The following AGTPBP1 variants were observed in gnomAD, a reference collection of about 807,000 sequenced individuals.
AGTPBP1 encodes ATP/GTP binding carboxypeptidase 1.
AGTPBP1 carries 70 observed loss-of-function variants against 143.9 expected under a neutral mutation model. The ratio of observed to expected loss-of-function variants is 0.49; its 90% CI spans 0.40 to 0.59. AGTPBP1 has a LOEUF of 0.59. AGTPBP1 is among the 20% of genes least tolerant of loss of function. The pLI is 0.00. For synonymous variants in AGTPBP1, 463 were observed against 500.2 expected, an observed-to-expected ratio of 0.93 and a Z score of 0.99; for missense variants, 1,229 against 1,464.5, an observed-to-expected ratio of 0.84 and a Z score of 2.62.
chr9:85,679,184 C>T (rs181291896), intron 4 of AGTPBP1, among the ~76,000 whole-genome samples: 1 of 152,228 alleles, frequency 6.6e-6, no homozygotes, highest in East Asian at 1.9e-4. Flanking sequence ...ATAATTTATA[C>T]TCCCATCAGC....
intron 2 of AGTPBP1, among the ~76,000 whole-genome samples, chr9:85,694,508 A>G (rs766736871): frequency 3.9e-5 from 6 of 152,102 alleles, no homozygotes; most frequent in Non-Finnish European, 8.8e-5. Flanking sequence ...TCTAACCCCA[A>G]CATATTCACA....
chr9:85,729,163 C>T (rs181271867), intron 1 of AGTPBP1, among the ~76,000 whole-genome samples: 1 of 152,262 alleles, frequency 6.6e-6, no homozygotes, highest in Non-Finnish European at 1.5e-5. Context: ...AAAATAGTCT[C>T]TTCAACAAAT....
At chr9:85,648,225 C>A (rs1169498993) in intron 11 of AGTPBP1, among the ~76,000 whole-genome samples, 1 of 152,134 alleles carries the variant, frequency 6.6e-6, no homozygotes, top group Non-Finnish European at 1.5e-5. Context: ...AGTTAATATA[C>A]GTAAAGTGCC....
chr9:85,740,359 G>A (rs923379622), intron 1 of AGTPBP1, among the ~76,000 whole-genome samples: 2 of 152,144 alleles, frequency 1.3e-5, no homozygotes, highest in Non-Finnish European at 1.5e-5. Context: ...TAACTTAAGA[G>A]AAGTGGAATG....
intron 2 of AGTPBP1, among the ~76,000 whole-genome samples, chr9:85,706,353 T>C (rs978205339): frequency 6.7e-6 from 1 of 149,770 alleles, no homozygotes; most frequent in African/African-American, 2.5e-5. Flanking sequence ...CTACTAAAAA[T>C]ACAAAAAACT....
chr9:85,769,537 A>G, the AGTPBP1 span, among the ~76,000 whole-genome samples: 284 of 151,808 alleles, frequency 1.9e-3, no homozygotes, highest in South Asian at 4.4e-3. Flanking sequence ...AAAAAAAAAA[A>G]AAAGAAAAAA....
At chr9:85,741,736 C>T (rs1211021622) in intron 1 of AGTPBP1, 39 bp downstream of exon 1, 5 of 1,282,444 alleles carry the variant, frequency 3.9e-6, no homozygotes, top group Non-Finnish European at 4.9e-6. Context: ...AGCAGAGGGA[C>T]GGCCGGCCGG....
chr9:85,654,416 A>G (rs1833362065), intron 11 of AGTPBP1, among the ~76,000 whole-genome samples: 1 of 152,230 alleles, frequency 6.6e-6, no homozygotes, highest in African/African-American at 2.4e-5. Flanking sequence ...TGTTAAGCAT[A>G]AAACCATAGT....
Position 85,692,764 on chromosome 9 carries a change from T to A in AGTPBP1, c.82A>T (p.Ile28Phe), listed in dbSNP as rs145896019. ...TCTGATTCTGAAGGCTCAGCATTGA[T>A]CTTCTCCAGTTGAGCCAGGAGTCCT... ...IVGLLAQLEK[I>F]NAEPSESDTA... Residue 28 changes from isoleucine (I) to phenylalanine (F), a missense_variant, in exon 3 of 26, where the codon ATC becomes TTC. Coordinates refer to ENST00000357081, the MANE Select transcript of AGTPBP1 (RefSeq NM_001330701.2). 1.1e-5 allele frequency: 17 copies of A among 1,613,882 alleles called. No individual in the cohort carries two copies. The highest frequency in any genetic ancestry group is 1.4e-5 in the Non-Finnish European group (17 of 1,179,920).
At chr9:85,706,532 A>G (rs1412444571) in intron 2 of AGTPBP1, among the ~76,000 whole-genome samples, 3 of 150,106 alleles carry the variant, frequency 2.0e-5, no homozygotes, top group Non-Finnish European at 3.0e-5. Context: ...AAAAAGAAAG[A>G]AAAGAAAAGA....
At chr9:85,718,003 T>C (rs1018919274) in intron 1 of AGTPBP1, among the ~76,000 whole-genome samples, 1 of 152,218 alleles carries the variant, frequency 6.6e-6, no homozygotes, top group East Asian at 1.9e-4. Context: ...GCAAAGGACA[T>C]GAACTCATCA....
chr9:85,702,813 C>A (rs1836756319), intron 2 of AGTPBP1, among the ~76,000 whole-genome samples: 1 of 152,068 alleles, frequency 6.6e-6, no homozygotes, highest in Non-Finnish European at 1.5e-5. Flanking sequence ...GAATGGCTCT[C>A]TCCTTTGCTG....
chr9:85,596,008 T>C (rs926756041), intron 18 of AGTPBP1, among the ~76,000 whole-genome samples: 15 of 152,200 alleles, frequency 9.9e-5, no homozygotes, highest in African/African-American at 1.9e-4. Context: ...CTTGATATCA[T>C]AGGAACAATA....
chr9:85,595,184 G>A (rs1829215903), intron 18 of AGTPBP1, among the ~76,000 whole-genome samples: 1 of 152,178 alleles, frequency 6.6e-6, no homozygotes, highest in Non-Finnish European at 1.5e-5. Flanking sequence ...CCAGAAAGTA[G>A]GAGTACTTAA....
chr9:85,664,155 C>T (rs1481943440), intron 8 of AGTPBP1, among the ~76,000 whole-genome samples: 1 of 152,084 alleles, frequency 6.6e-6, no homozygotes, highest in Non-Finnish European at 1.5e-5. Context: ...GTCATGACTG[C>T]TAGGGCCAAA....
At chr9:85,598,865 C>T (rs191242729) in intron 17 of AGTPBP1, among the ~76,000 whole-genome samples, 1 of 152,030 alleles carries the variant, frequency 6.6e-6, no homozygotes, top group East Asian at 1.9e-4. Context: ...GGACTACAGG[C>T]GCATGCCACC....
chr9:85,625,915 T>G (rs1036909324), intron 14 of AGTPBP1, among the ~76,000 whole-genome samples: 8 of 148,952 alleles, frequency 5.4e-5, no homozygotes, highest in African/African-American at 1.7e-4. Context: ...TTTTTTTTTT[T>G]TTTTTTTTTA....
At chr9:85,616,024 C>G (rs1830583323) in intron 17 of AGTPBP1, among the ~76,000 whole-genome samples, 1 of 151,860 alleles carries the variant, frequency 6.6e-6, no homozygotes, top group African/African-American at 2.4e-5. Flanking sequence ...AAATACAGAA[C>G]ATGAAATTGC....
At chr9:85,658,602 A>G (rs1833674989) in intron 9 of AGTPBP1, among the ~76,000 whole-genome samples, 2 of 152,116 alleles carry the variant, frequency 1.3e-5, no homozygotes. Flanking sequence ...AAATACACCT[A>G]TAAAATACCC....
Sources: gnomAD v4.1 joint callset for allele counts (sites outside exome capture counted in the v4.1 genomes callset) on GRCh38, gnomAD v4.1.1 for gene constraint, MANE v1.5 for transcripts, NCBI Gene and HGNC (gene_info 2026-07-23, HGNC 2026-07-21) for gene names.